PHF21A: variants seen among roughly 807,000 people sequenced by gnomAD.
PHF21A encodes the protein PHD finger protein 21A.
Under a neutral mutation model 82.5 loss-of-function variants are expected in PHF21A, and 11 were observed. That is an observed-to-expected ratio of 0.13 (90% confidence interval 0.08 to 0.22). The LOEUF (loss-of-function observed/expected upper bound fraction) is 0.22, where lower values mean the gene tolerates loss of function less well. Ranked by LOEUF, PHF21A falls within the 10% of genes least tolerant of loss-of-function variation. The pLI is 1.00. For missense variants in PHF21A, 579 were observed against 837.8 expected (o/e 0.69, Z 3.81); for synonymous variants, 297 against 302.8 (o/e 0.98, Z 0.20).
chr11:45,974,940 T>C (rs747498734), intron 7 of PHF21A, among the ~76,000 whole-genome samples: 2 of 152,192 alleles, frequency 1.3e-5, no homozygotes, highest in Non-Finnish European at 2.9e-5. Flanking sequence ...ATACTGCCAA[T>C]AGCAAAATCC....
intron 4 of PHF21A, among the ~76,000 whole-genome samples, chr11:46,079,433 G>A (rs188548397): frequency 0.029 from 4,341 of 152,070 alleles, 68 homozygotes; most frequent in African/African-American, 0.039. Context: ...AGTGGCTTCC[G>A]AAAGGAATTT....
chr11:46,058,488 T>TAGGAAGTGCCTGATA (rs2096490589), intron 6 of PHF21A, among the ~76,000 whole-genome samples: 1 of 152,206 alleles, frequency 6.6e-6, no homozygotes, highest in South Asian at 2.1e-4. Flanking sequence ...ACCTGACACA[T>TAGGAAGTGCCTGATA]AGGAAGTGCC....
chr11:46,082,606 A>C (rs960495165), intron 4 of PHF21A, among the ~76,000 whole-genome samples: 12 of 152,206 alleles, frequency 7.9e-5, no homozygotes, highest in Non-Finnish European at 1.8e-4. Flanking sequence ...AGTTAATATG[A>C]ATAGTAAGAG....
intron 6 of PHF21A, among the ~76,000 whole-genome samples, chr11:45,997,047 A>G (rs1227487803): frequency 1.3e-5 from 2 of 152,270 alleles, no homozygotes; most frequent in Non-Finnish European, 2.9e-5. Flanking sequence ...TTCTAGAGAT[A>G]TAAAACTATC....
chr11:46,085,398 TC>T (rs1424180450), intron 3 of PHF21A, among the ~76,000 whole-genome samples: 1 of 152,206 alleles, frequency 6.6e-6, no homozygotes, highest in Non-Finnish European at 1.5e-5. Flanking sequence ...AGCTTGACCT[TC>T]CTATCTCCCT....
At chr11:46,035,669 A>T (rs1041285977) in intron 6 of PHF21A, among the ~76,000 whole-genome samples, 7 of 152,214 alleles carry the variant, frequency 4.6e-5, no homozygotes, top group African/African-American at 1.2e-4. Flanking sequence ...CTCTAGGAAG[A>T]AGTAGTTTTA....
chr11:45,961,438 G>A lies in PHF21A; in HGVS notation c.996+3877C>T, dbSNP rs151221058. On this transcript the variant is annotated intron_variant, in intron 10 of 18. Transcript: ENST00000676320. ...TACTATTGCACCAGTATTAAAATGG[G>A]GTAAGGGGAGGCATCAGCTCTGGTT... is the stretch of plus-strand genomic sequence containing the variant. Among the ~76,000 whole-genome samples the A allele has an allele frequency of 1.4e-4, 22 of 152,272 alleles. 1 individual carries two copies. The East Asian group carries it at 4.2e-3, about 29-fold the overall frequency.
At chr11:45,966,165 T>C (rs1264989540) in intron 9 of PHF21A, among the ~76,000 whole-genome samples, 2 of 143,402 alleles carry the variant, frequency 1.4e-5, no homozygotes, top group Non-Finnish European at 3.0e-5. Context: ...GCCCATCTCA[T>C]GGCTTCAATT....
At chr11:46,029,280 C>T (rs967941132) in intron 6 of PHF21A, among the ~76,000 whole-genome samples, 2 of 152,200 alleles carry the variant, frequency 1.3e-5, no homozygotes, top group Non-Finnish European at 2.9e-5. Context: ...AATTTTTCCT[C>T]ACATAATAGG....
At chr11:45,971,890 C>CT (rs377734291) in intron 7 of PHF21A, among the ~76,000 whole-genome samples, 16,370 of 50,462 alleles carry the variant, frequency 0.32, 3,925 homozygotes, top group African/African-American at 0.47. Flanking sequence ...CTTTTTCTTT[C>CT]TTTTTTTTTT....
At chr11:46,094,685 G>A (rs1162149739) in intron 1 of PHF21A, among the ~76,000 whole-genome samples, 6 of 152,036 alleles carry the variant, frequency 3.9e-5, no homozygotes, top group African/African-American at 1.2e-4. Flanking sequence ...GATCGAGACC[G>A]TCCTGGCCAA....
chr11:46,055,746 A>G (rs2096444851), intron 6 of PHF21A, among the ~76,000 whole-genome samples: 1 of 152,186 alleles, frequency 6.6e-6, no homozygotes, highest in Non-Finnish European at 1.5e-5. Context: ...TCCCTGATTT[A>G]CCTTTAAGGC....
At chr11:45,961,816 A>G (rs1217806867) in intron 10 of PHF21A, among the ~76,000 whole-genome samples, 1 of 152,202 alleles carries the variant, frequency 6.6e-6, no homozygotes, top group Non-Finnish European at 1.5e-5. Context: ...AGGTGATGTG[A>G]AGGCTATATC....
intron 8 of PHF21A, chr11:45,970,315 C>CAG (rs2093673465): frequency 5.2e-6 from 1 of 190,910 alleles, no homozygotes; most frequent in African/African-American, 2.4e-5. Flanking sequence ...AGAAAATTTT[C>CAG]TAACTCTCAG....
At chr11:45,949,615 G>A (rs1249083997) in intron 12 of PHF21A, 134 bp from the exon 13 acceptor site, 1 of 746,094 alleles carries the variant, frequency 1.3e-6, no homozygotes, top group Admixed American at 2.1e-5. Flanking sequence ...TGAAGCCTCA[G>A]CAGAGGCAAG....
At chr11:46,054,631 C>G (rs1043247923) in intron 6 of PHF21A, among the ~76,000 whole-genome samples, 1 of 152,150 alleles carries the variant, frequency 6.6e-6, no homozygotes, top group Non-Finnish European at 1.5e-5. Flanking sequence ...AAGACTAGAT[C>G]TTATTACTCT....
chr11:46,082,197 C>T (rs1315697650), intron 4 of PHF21A, among the ~76,000 whole-genome samples: 1 of 152,234 alleles, frequency 6.6e-6, no homozygotes, highest in East Asian at 1.9e-4. Flanking sequence ...TATGTTTTCA[C>T]TCCACAATAC....
chr11:46,043,416 C>T (rs986511344), intron 6 of PHF21A, among the ~76,000 whole-genome samples: 1 of 152,110 alleles, frequency 6.6e-6, no homozygotes, highest in Non-Finnish European at 1.5e-5. Context: ...CAAATTAATC[C>T]TTTCTGGTTA....
chr11:46,035,592 G>A (rs1422931313), intron 6 of PHF21A, among the ~76,000 whole-genome samples: 3 of 152,274 alleles, frequency 2.0e-5, no homozygotes, highest in South Asian at 4.1e-4. Flanking sequence ...TAGGATAAAG[G>A]GAATAAGGTA....
Sources: gnomAD v4.1 joint callset for allele counts (sites outside exome capture counted in the v4.1 genomes callset) on GRCh38, gnomAD v4.1.1 for gene constraint, MANE v1.5 for transcripts, NCBI Gene and HGNC (gene_info 2026-07-23, HGNC 2026-07-21) for gene names.